Variants in PARD3B observed in about 807,000 individuals in gnomAD.
The protein encoded by PARD3B is partitioning defective 3 homolog B.
A neutral mutation model predicts 130.2 loss-of-function variants in PARD3B; 103 were observed. That is an observed-to-expected ratio of 0.79 (90% confidence interval 0.67 to 0.93). PARD3B has a LOEUF of 0.93. Ranked by LOEUF, PARD3B falls within the 40% of genes least tolerant of loss-of-function variation. PARD3B has a pLI of 0.00. For missense variants in PARD3B, 1,609 were observed against 1,499.2 expected (o/e 1.07, Z -1.21); for synonymous variants, 583 against 553.2 (o/e 1.05, Z -0.76).
At chr2:204,784,964 A>G (rs1415602217) in intron 2 of PARD3B, among the ~76,000 whole-genome samples, 1 of 152,210 alleles carries the variant, frequency 6.6e-6, no homozygotes, top group Non-Finnish European at 1.5e-5. Context: ...ACCATGAAAG[A>G]AATTAAAGCT....
intron 4 of PARD3B, among the ~76,000 whole-genome samples, chr2:205,100,721 C>T (rs1575780853): frequency 1.3e-5 from 2 of 151,946 alleles, no homozygotes; most frequent in East Asian, 1.9e-4. Context: ...TTAAGGGTGT[C>T]GAGACAATTC....
At chr2:205,573,133 G>A (rs764671933) in intron 22 of PARD3B, among the ~76,000 whole-genome samples, 5 of 152,054 alleles carry the variant, frequency 3.3e-5, no homozygotes, top group Non-Finnish European at 7.4e-5. Flanking sequence ...CCCATGATTC[G>A]ACTACCTCCC....
intron 2 of PARD3B, among the ~76,000 whole-genome samples, chr2:204,698,803 G>T (rs1004600841): frequency 1.1e-4 from 17 of 151,990 alleles, no homozygotes; most frequent in South Asian, 2.1e-4. Flanking sequence ...CTTTAAAATT[G>T]TAGCGTTCCT....
chr2:205,172,283 G>C lies in PARD3B; in HGVS notation c.1693G>C (p.Glu565Gln), dbSNP rs755830374. The C allele has an allele frequency of 1.2e-6, 2 of 1,614,050 alleles. No individual in the cohort carries two copies. The highest frequency in any genetic ancestry group is 1.7e-6 in the Non-Finnish European group (2 of 1,179,992). ...ATCTCTTTTGGGAAAGTCCAACCAC[G>C]AAGCTATGGAAACACTTAGGCGGTC... ...GESLLGKSNHEAMETLRRSMS... is the reference protein window; with the variant it reads ...GESLLGKSNHQAMETLRRSMS... Residue 565 changes from glutamate to glutamine, a missense_variant, in exon 12 of 23, where the codon GAA becomes CAA. Glu to Gln is a conservative substitution (Grantham distance 29, BLOSUM62 2). Transcript: ENST00000406610.
intron 20 of PARD3B, among the ~76,000 whole-genome samples, chr2:205,447,926 C>G (rs1374448077): frequency 2.6e-5 from 4 of 152,172 alleles, no homozygotes; most frequent in Non-Finnish European, 4.4e-5. Context: ...GTTGAGCTAC[C>G]TGGACACAGC....
Position 204,813,790 on chromosome 2 carries a change from A to G in PARD3B, c.222+127508A>G, listed in dbSNP as rs1441438372. Among the ~76,000 whole-genome samples, 3 of 152,178 alleles carry G rather than the reference A, an allele frequency of 2.0e-5. No individual in the cohort carries two copies. In the East Asian group the frequency reaches 5.8e-4, roughly 29 times the overall value. Reference sequence around the variant, plus strand: ...ACTATTCTTTCTACGCTGTATTGCCATTTGCACCTTGCTTGAAAATTCTGA... The same window carrying G: ...ACTATTCTTTCTACGCTGTATTGCCGTTTGCACCTTGCTTGAAAATTCTGA... On this transcript the variant is annotated intron_variant, in intron 2 of 22. Transcript: ENST00000406610.
chr2:205,576,168 A>G (rs1348133946), intron 22 of PARD3B, among the ~76,000 whole-genome samples: 1 of 152,156 alleles, frequency 6.6e-6, no homozygotes, highest in Non-Finnish European at 1.5e-5. Context: ...CCATGTGTAT[A>G]TCTTCTTTGA....
chr2:205,344,194 T>TTGTG (rs1553681141), intron 18 of PARD3B, among the ~76,000 whole-genome samples: 14,346 of 140,932 alleles, frequency 0.1, 779 homozygotes, highest in Non-Finnish European at 0.12. Flanking sequence ...GTCAGTTGGT[T>TTGTG]TGTGTGTGTG....
At chr2:204,852,797 T>C (rs2125609453) in intron 2 of PARD3B, among the ~76,000 whole-genome samples, 1 of 152,306 alleles carries the variant, frequency 6.6e-6, no homozygotes, top group East Asian at 1.9e-4. Flanking sequence ...CTAAAATTTA[T>C]TTAATTGAGA....
At chr2:205,049,669 C>T (rs554249538) in intron 4 of PARD3B, among the ~76,000 whole-genome samples, 1 of 152,236 alleles carries the variant, frequency 6.6e-6, no homozygotes, top group African/African-American at 2.4e-5. Flanking sequence ...GCTGTAGCCC[C>T]ACCAAAATAT....
chr2:205,411,086 C>A (rs1194496881), intron 19 of PARD3B, among the ~76,000 whole-genome samples: 1 of 151,966 alleles, frequency 6.6e-6, no homozygotes, highest in East Asian at 1.9e-4. Context: ...TTTTTAGTTA[C>A]CATACTATGG....
chr2:205,588,747 A>AAAAT (rs1167097267), intron 22 of PARD3B, among the ~76,000 whole-genome samples: 1 of 152,242 alleles, frequency 6.6e-6, no homozygotes, highest in African/African-American at 2.4e-5. Flanking sequence ...TTAATTAAAG[A>AAAAT]AAATAAAAGC....
At chr2:205,090,776 G>T (rs1244951962) in intron 4 of PARD3B, among the ~76,000 whole-genome samples, 1 of 152,212 alleles carries the variant, frequency 6.6e-6, no homozygotes, top group Non-Finnish European at 1.5e-5. Flanking sequence ...CTTGGGAGTG[G>T]AAGTGGAGAG....
At position 205,592,996 on chromosome 2, in the gene PARD3B, CT is replaced by C. The variant is rs1448064598; in HGVS notation, c.3261-22454del. On this transcript the variant is annotated intron_variant, in intron 22 of 22. Coordinates refer to ENST00000406610, the MANE Select transcript of PARD3B (RefSeq NM_001302769.2). This position sits in a 1 kb window ranked among gnomAD's most constrained non-coding sequence, Gnocchi z 4.5. ...CCTGGATAGACATTGTGGCCCATAC[CT>C]TTTTTATATACTTTATATTTGGGTT... is the stretch of plus-strand genomic sequence containing the variant. Among the ~76,000 whole-genome samples the C allele has an allele frequency of 4.6e-5, 7 of 152,206 alleles. No homozygotes were observed. The highest frequency in any genetic ancestry group is 7.3e-5 in the Non-Finnish European group (5 of 68,034).
At position 205,407,400 on chromosome 2, in the gene PARD3B, G is replaced by T. The variant is rs745735605; in HGVS notation, c.2741+6277G>T. On this transcript the variant is annotated intron_variant, in intron 19 of 22. Transcript: ENST00000406610. The surrounding 1 kb of genome is among the most constrained non-coding windows in gnomAD (Gnocchi z 4.1). ...TGAACCCAGTGTTATATTCAAAGAT[G>T]ATTTCTTCCAACATTTTTCAAACTA... 3.9e-5 allele frequency among the ~76,000 whole-genome samples: 6 copies of T among 152,270 alleles called. No individual in the cohort carries two copies. Among genetic ancestry groups the T allele is most frequent in the East Asian group, 3.9e-4 (2 of 5,188 alleles).
intron 16 of PARD3B, among the ~76,000 whole-genome samples, chr2:205,278,421 C>A (rs2041038770): frequency 6.6e-6 from 1 of 152,010 alleles, no homozygotes; most frequent in Non-Finnish European, 1.5e-5. Context: ...AGGGGTCCCT[C>A]ATACATAAGG....
chr2:204,633,825 T>C (rs2034776572), intron 1 of PARD3B, among the ~76,000 whole-genome samples: 1 of 152,080 alleles, frequency 6.6e-6, no homozygotes, highest in Non-Finnish European at 1.5e-5. Context: ...AAAACATATA[T>C]TTTTAAACTT....
intron 2 of PARD3B, among the ~76,000 whole-genome samples, chr2:204,773,351 T>C (rs13412271): frequency 0.016 from 2,507 of 152,046 alleles, 40 homozygotes; most frequent in African/African-American, 0.041. Flanking sequence ...ACAATGCAAA[T>C]ATATTGTTTT....
chr2:204,949,508 G>A (rs879649156), intron 2 of PARD3B, among the ~76,000 whole-genome samples: 3 of 151,910 alleles, frequency 2.0e-5, no homozygotes, highest in Non-Finnish European at 4.4e-5. Flanking sequence ...TTCCTGTAGA[G>A]ATGGGGTCTT....
Sources: gnomAD v4.1 joint callset for allele counts (sites outside exome capture counted in the v4.1 genomes callset) on GRCh38, gnomAD v4.1.1 for gene constraint, Gnocchi (gnomAD v3.1) non-coding constraint, MANE v1.5 for transcripts, NCBI Gene and HGNC (gene_info 2026-07-23, HGNC 2026-07-21) for gene names.